The following PIK3R5 variants were observed in gnomAD, a reference collection of about 807,000 sequenced individuals.
PIK3R5 encodes phosphoinositide-3-kinase regulatory subunit 5.
In PIK3R5, 32 loss-of-function variants were observed where a neutral mutation model predicts 94.9. That is an observed-to-expected ratio of 0.34 (90% CI 0.25 to 0.45). The LOEUF is 0.45. Among genes scored for constraint, PIK3R5 ranks in the 20% least tolerant of loss-of-function variants. PIK3R5 has a pLI of 1.00. For synonymous variants in PIK3R5, 443 were observed against 479.4 expected (o/e 0.92, Z 0.99); for missense variants, 853 against 1,144.6 (o/e 0.75, Z 3.68).
chr17:8,965,228 C>T (rs1217280076), intron 1 of PIK3R5, among the ~76,000 whole-genome samples: 1 of 152,242 alleles, frequency 6.6e-6, no homozygotes, highest in Non-Finnish European at 1.5e-5. Context: ...TGCCCACGCT[C>T]ACGGACAGTT....
intron 2 of PIK3R5, among the ~76,000 whole-genome samples, chr17:8,910,619 T>C (rs1485592085): frequency 6.6e-6 from 1 of 152,122 alleles, no homozygotes; most frequent in Non-Finnish European, 1.5e-5. Flanking sequence ...ATAGCTTTAA[T>C]CCAGGTCTGT....
chr17:8,884,655 G>A lies in PIK3R5; in HGVS notation c.2205+52C>T. On this transcript the variant is annotated intron_variant, in intron 15 of 18. Transcript: ENST00000447110. This position sits in a 1 kb window ranked among gnomAD's most constrained non-coding sequence, Gnocchi z 5.8. ...GCTCTGGGTCCAAGCTCTGGCGGAGGAAGTATCAGCAGCAGATCCTGGAGG... is the reference window on the plus strand; with the variant it reads ...GCTCTGGGTCCAAGCTCTGGCGGAGAAAGTATCAGCAGCAGATCCTGGAGG... 1.4e-6 allele frequency: 2 copies of A among 1,410,364 alleles called. No individual in the cohort carries two copies. Among genetic ancestry groups the A allele is most frequent in the Non-Finnish European group, 2.0e-6 (2 of 997,188 alleles). The allele number at this position is 1,410,364 out of a possible 1,614,324, so 87.4% of individuals were successfully genotyped here.
chr17:8,960,193 A>G (rs2091537003), intron 1 of PIK3R5, among the ~76,000 whole-genome samples: 2 of 152,194 alleles, frequency 1.3e-5, no homozygotes, highest in Admixed American at 1.3e-4. Context: ...TGTTGAAAAG[A>G]ATGCTGGAGA....
At chr17:8,883,165 C>T (rs61761124) in intron 15 of PIK3R5, among the ~76,000 whole-genome samples, 2,515 of 152,282 alleles carry the variant, frequency 0.017, 74 homozygotes, top group African/African-American at 0.058. Context: ...GTCAGGAGTT[C>T]GAGACCAGCC....
intron 1 of PIK3R5, among the ~76,000 whole-genome samples, chr17:8,924,872 G>A (rs886618648): frequency 3.3e-5 from 5 of 152,162 alleles, no homozygotes; most frequent in African/African-American, 9.7e-5. Context: ...TGAAACAAAC[G>A]CTGATGTCAA....
intron 1 of PIK3R5, among the ~76,000 whole-genome samples, chr17:8,932,939 A>G (rs1158844877): frequency 2.0e-5 from 3 of 152,172 alleles, no homozygotes; most frequent in Non-Finnish European, 4.4e-5. Context: ...ACCTAGGTAT[A>G]TCATAGTTAA....
chr17:8,942,771 A>C (rs2091207232), intron 1 of PIK3R5, among the ~76,000 whole-genome samples: 1 of 151,766 alleles, frequency 6.6e-6, no homozygotes, highest in East Asian at 1.9e-4. Flanking sequence ...ACGCCCGGCT[A>C]ATTTTTTGTA....
At chr17:8,960,590 A>C (rs1482312506) in intron 1 of PIK3R5, among the ~76,000 whole-genome samples, 1 of 152,252 alleles carries the variant, frequency 6.6e-6, no homozygotes, top group East Asian at 1.9e-4. Flanking sequence ...CACATAAAGC[A>C]TTGAGTGCCA....
chr17:8,925,280 ATAG>A lies in PIK3R5; in HGVS notation c.-13-13776_-13-13774del, dbSNP rs1310074255. Reference sequence around the variant, plus strand: ...TAGATGGTTAGCTAGTAGATGATAGATAGTAGATGGATAGATAGATAGATAGTA... The same window carrying A: ...TAGATGGTTAGCTAGTAGATGATAGATAGATGGATAGATAGATAGATAGTA... On this transcript the variant is annotated intron_variant, in intron 1 of 18. Transcript: ENST00000447110. The surrounding 1 kb of genome is among the most constrained non-coding windows in gnomAD (Gnocchi z 5.1). Among the ~76,000 whole-genome samples, 2 of 151,826 alleles carry A rather than the reference ATAG, an allele frequency of 1.3e-5. No individual in the cohort carries two copies. The highest frequency in any genetic ancestry group is 2.4e-5 in the African/African-American group (1 of 41,194).
intron 1 of PIK3R5, among the ~76,000 whole-genome samples, chr17:8,941,599 C>A (rs1448976576): frequency 1.3e-5 from 2 of 152,262 alleles, no homozygotes; most frequent in African/African-American, 2.4e-5. Context: ...GCGCTTGCCC[C>A]CAGGCACAGC....
chr17:8,881,539 A>G lies in PIK3R5; in HGVS notation c.2382+91T>C, dbSNP rs2089659217. On this transcript the variant is annotated intron_variant, in intron 17 of 18. Transcript: ENST00000447110. This position sits in a 1 kb window ranked among gnomAD's most constrained non-coding sequence, Gnocchi z 4.8. Reference sequence around the variant, plus strand: ...TGTGTATGTGCACACATGCACACACATACATGTGCACACACACGTACACAC... The same window carrying G: ...TGTGTATGTGCACACATGCACACACGTACATGTGCACACACACGTACACAC... The G allele has an allele frequency of 2.1e-6, 2 of 970,956 alleles. No homozygotes were observed. The highest frequency in any genetic ancestry group is 2.0e-5 in the Admixed American group (1 of 50,394). The allele number at this position is 970,956 out of a possible 1,614,324, so 60.1% of individuals were successfully genotyped here.
intron 5 of PIK3R5, among the ~76,000 whole-genome samples, chr17:8,901,890 T>C (rs1271684986): frequency 1.3e-5 from 2 of 152,224 alleles, no homozygotes; most frequent in African/African-American, 4.8e-5. Context: ...GATGCGTTGA[T>C]GAACGTCTTT....
In PIK3R5 at chr17:8,881,484, C is replaced by T; in HGVS notation, c.2382+146G>A. The T allele has an allele frequency of 1.4e-6, 1 of 717,980 alleles. No homozygotes were observed. Among genetic ancestry groups the T allele is most frequent in the Non-Finnish European group, 2.5e-6 (1 of 406,844 alleles). The allele number at this position is 717,980 out of a possible 1,614,324, so 44.5% of individuals were successfully genotyped here. A position where few individuals can be genotyped will look rare whatever the true frequency, so the allele number is the denominator to read the frequency against. On this transcript the variant is annotated intron_variant, in intron 17 of 18. Transcript: ENST00000447110. The surrounding 1 kb of genome is among the most constrained non-coding windows in gnomAD (Gnocchi z 4.8). Reference sequence around the variant, plus strand: ...CTCCTCCCCCACCTCTCCTCTCTCTCTCACACACACACAAGTATGTACACA... The same window carrying T: ...CTCCTCCCCCACCTCTCCTCTCTCTTTCACACACACACAAGTATGTACACA...
chr17:8,958,285 A>G (rs1314613062), intron 1 of PIK3R5, among the ~76,000 whole-genome samples: 2 of 152,022 alleles, frequency 1.3e-5, no homozygotes, highest in Non-Finnish European at 2.9e-5. Flanking sequence ...TGTCTCAAAA[A>G]AAAAAAAAAA....
At chr17:8,948,712 G>A (rs774548093) in intron 1 of PIK3R5, among the ~76,000 whole-genome samples, 25 of 152,176 alleles carry the variant, frequency 1.6e-4, no homozygotes, top group Non-Finnish European at 2.2e-4. Context: ...CGGCTGCTGC[G>A]GGGAATGTAC....
intron 1 of PIK3R5, among the ~76,000 whole-genome samples, chr17:8,914,427 T>C (rs1401652777): frequency 1.3e-5 from 2 of 152,068 alleles, no homozygotes; most frequent in Non-Finnish European, 2.9e-5. Context: ...AGCCACGGAG[T>C]ATTGTCAAGG....
chr17:8,960,684 C>T (rs759175381), intron 1 of PIK3R5, among the ~76,000 whole-genome samples: 4 of 152,338 alleles, frequency 2.6e-5, no homozygotes, highest in Middle Eastern at 3.4e-3. Context: ...AGTTGGGGAG[C>T]CTGGCAGGAA....
chr17:8,956,834 A>G (rs1199898059), intron 1 of PIK3R5, among the ~76,000 whole-genome samples: 1 of 152,208 alleles, frequency 6.6e-6, no homozygotes, highest in African/African-American at 2.4e-5. Context: ...GGAGGAAGGC[A>G]ATTTTGAAAT....
chr17:8,912,831 C>T (rs2090554693), intron 1 of PIK3R5, among the ~76,000 whole-genome samples: 1 of 152,260 alleles, frequency 6.6e-6, no homozygotes, highest in Admixed American at 6.5e-5. Flanking sequence ...GGAGGCACCA[C>T]TCGCCAAGTG....
Sources: gnomAD v4.1 joint callset for allele counts (sites outside exome capture counted in the v4.1 genomes callset) on GRCh38, gnomAD v4.1.1 for gene constraint, Gnocchi (gnomAD v3.1) non-coding constraint, MANE v1.5 for transcripts, NCBI Gene and HGNC (gene_info 2026-07-23, HGNC 2026-07-21) for gene names.